AGMO: variants seen among roughly 807,000 people sequenced by gnomAD.
AGMO encodes the protein alkylglycerol monooxygenase, also known as glyceryl-ether monooxygenase.
A neutral mutation model predicts 60.2 loss-of-function variants in AGMO; 75 were observed. That is an observed-to-expected ratio of 1.25 (90% CI 1.03 to 1.51). The LOEUF (loss-of-function observed/expected upper bound fraction) is 1.51, where lower values mean the gene tolerates loss of function less well. AGMO is among the 40% of genes most tolerant of loss of function. The pLI, the probability that AGMO is intolerant of heterozygous loss-of-function variation, is 0.00. For missense variants in AGMO, 763 were observed against 525.5 expected, an observed-to-expected ratio of 1.45 and a Z score of -4.42; for synonymous variants, 261 against 177.1, an observed-to-expected ratio of 1.47 and a Z score of -3.76.
At chr7:15,468,735 G>T (rs1782361651) in intron 3 of AGMO, among the ~76,000 whole-genome samples, 1 of 152,152 alleles carries the variant, frequency 6.6e-6, no homozygotes, top group African/African-American at 2.4e-5. Context: ...CTTACAGGAA[G>T]TTTTATCTAC....
chr7:15,314,504 T>C (rs1218050376), intron 12 of AGMO, among the ~76,000 whole-genome samples: 1 of 152,182 alleles, frequency 6.6e-6, no homozygotes, highest in South Asian at 2.1e-4. Flanking sequence ...GTACTTTAAA[T>C]CACATTCTAG....
chr7:15,359,191 A>G (rs1293896140), intron 12 of AGMO, among the ~76,000 whole-genome samples: 3 of 151,252 alleles, frequency 2.0e-5, no homozygotes, highest in Non-Finnish European at 4.4e-5. Flanking sequence ...CGGGAGGCTG[A>G]GGCAGGAGAA....
intron 3 of AGMO, among the ~76,000 whole-genome samples, chr7:15,474,485 G>T (rs1782539075): frequency 1.3e-5 from 2 of 152,124 alleles, no homozygotes; most frequent in African/African-American, 4.8e-5. Context: ...GGAAAAACTG[G>T]ATAGCGATAT....
At chr7:15,401,548 CA>C (rs1230448900) in intron 5 of AGMO, among the ~76,000 whole-genome samples, 2 of 152,064 alleles carry the variant, frequency 1.3e-5, no homozygotes, top group Non-Finnish European at 2.9e-5. Flanking sequence ...GGGAATGTCA[CA>C]TAATATTTCT....
At chr7:15,367,245 G>T in intron 10 of AGMO, among the ~76,000 whole-genome samples, 1 of 145,032 alleles carries the variant, frequency 6.9e-6, no homozygotes, top group East Asian at 2.0e-4. Flanking sequence ...GGAAATAAAT[G>T]ATAATTTTTT....
At position 15,336,076 on chromosome 7, in the gene AGMO, G is replaced by A. The variant is rs544282052; in HGVS notation, c.1263+29438C>T. On this transcript the variant is annotated intron_variant, in intron 12 of 12. Coordinates refer to ENST00000342526, the MANE Select transcript of AGMO (RefSeq NM_001004320.2). ...AAAGCTAACAGGTTGTCCGCTATGT[G>A]AGGCTAATTCAACTACTACTATTCC... Among the ~76,000 whole-genome samples the A allele has an allele frequency of 4.2e-3, 633 of 152,252 alleles. 3 individuals are homozygous for A. The highest frequency in any genetic ancestry group is 5.1e-3 in the Non-Finnish European group (346 of 68,008).
chr7:15,181,591 A>G, the AGMO span, among the ~76,000 whole-genome samples: 4 of 152,182 alleles, frequency 2.6e-5, no homozygotes. Flanking sequence ...GGTTTTCAGA[A>G]AGGAGATAAG....
intron 12 of AGMO, among the ~76,000 whole-genome samples, chr7:15,327,922 T>G (rs918636665): frequency 6.6e-6 from 1 of 150,494 alleles, no homozygotes; most frequent in African/African-American, 2.5e-5. Context: ...TATGCCATGT[T>G]GCCGGGCTAA....
chr7:15,354,504 A>ACACATGTG (rs1451727408), intron 12 of AGMO, among the ~76,000 whole-genome samples: 1 of 35,586 alleles, frequency 2.8e-5, no homozygotes, highest in African/African-American at 2.2e-4. Flanking sequence ...GTGTATATAT[A>ACACATGTG]TATATATATA....
intron 12 of AGMO, among the ~76,000 whole-genome samples, chr7:15,334,506 A>G (rs1051872301): frequency 3.3e-5 from 5 of 152,108 alleles, no homozygotes; most frequent in African/African-American, 1.2e-4. Context: ...GCTTTTCCCT[A>G]GGGCAGTAGA....
At chr7:15,520,007 A>AAAAAAAG (rs1783936239) in intron 3 of AGMO, among the ~76,000 whole-genome samples, 1 of 151,740 alleles carries the variant, frequency 6.6e-6, no homozygotes, top group South Asian at 2.1e-4. Flanking sequence ...AAGAACCAAA[A>AAAAAAAG]AAAAAAGAAA....
intron 10 of AGMO, among the ~76,000 whole-genome samples, chr7:15,368,677 G>C (rs960787617): frequency 2.0e-5 from 3 of 152,050 alleles, no homozygotes; most frequent in African/African-American, 7.2e-5. Context: ...ACTATGTTCA[G>C]GAGCTTAGGC....
At chr7:15,260,451 A>G (rs1418906953) in intron 12 of AGMO, among the ~76,000 whole-genome samples, 1 of 152,096 alleles carries the variant, frequency 6.6e-6, no homozygotes, top group Non-Finnish European at 1.5e-5. Flanking sequence ...AAGGACTAGT[A>G]CAACAGGAAA....
Position 15,431,005 on chromosome 7 carries a change from C to T in AGMO, c.513G>A (p.Trp171Ter), listed in dbSNP as rs1236349351. 55 of 1,566,318 alleles carry T rather than the reference C, an allele frequency of 3.5e-5. No homozygotes were observed. Among genetic ancestry groups the T allele is most frequent in the Non-Finnish European group, 4.4e-5 (51 of 1,147,588 alleles). The part of the protein sequence containing the change: ...RQSVLQIYTS[W>*]IFYSPLALFI... ...GTTTATTCCATTTCATACAACTTAC[C>T]CAGGAAGTATATATCTGGAGGACAG... Residue 171 changes from tryptophan to a stop codon, truncating the protein, a stop_gained and splice_region_variant, in exon 4 of 13, where the codon TGG (tryptophan) becomes TGA (stop). Coordinates refer to ENST00000342526, the MANE Select transcript of AGMO (RefSeq NM_001004320.2). LOFTEE classifies it high-confidence loss of function.
chr7:15,497,054 G>A (rs2128523533), intron 3 of AGMO, among the ~76,000 whole-genome samples: 1 of 152,222 alleles, frequency 6.6e-6, no homozygotes, highest in African/African-American at 2.4e-5. Flanking sequence ...TCTTAGGTGT[G>A]CCATAGAAGA....
intron 10 of AGMO, among the ~76,000 whole-genome samples, chr7:15,384,278 T>C (rs1408358407): frequency 6.6e-6 from 1 of 152,188 alleles, no homozygotes; most frequent in African/African-American, 2.4e-5. Context: ...TAAGCTGCTA[T>C]GTAAGCCATT....
Position 15,250,393 on chromosome 7 carries a change from A to T in AGMO, c.1264-49034T>A, listed in dbSNP as rs544016971. Among the ~76,000 whole-genome samples, 3 of 152,322 alleles carry T rather than the reference A, an allele frequency of 2.0e-5. No individual in the cohort carries two copies. In the East Asian group the frequency reaches 5.8e-4, roughly 29 times the overall value. Reference sequence around the variant, plus strand: ...GTAAAGTAGCAAAACGTGTGTAATTACTAAGATGAATAATCTGTTTATTTT... The same window carrying T: ...GTAAAGTAGCAAAACGTGTGTAATTTCTAAGATGAATAATCTGTTTATTTT... On this transcript the variant is annotated intron_variant, in intron 12 of 12. Transcript: ENST00000342526.
At chr7:15,354,380 ACACGTGTGTGTATACACGTGTGTG>A (rs1782392724) in intron 12 of AGMO, among the ~76,000 whole-genome samples, 4 of 49,908 alleles carry the variant, frequency 8.0e-5, no homozygotes, top group African/African-American at 2.5e-4. Context: ...ACGTGTGTAT[ACACGTGTGTGTATACACGTGTGTG>A]TACACACGTG....
At chr7:15,363,623 T>A (rs746958380) in intron 12 of AGMO, among the ~76,000 whole-genome samples, 2 of 152,042 alleles carry the variant, frequency 1.3e-5, no homozygotes. Flanking sequence ...ACTAAATAAG[T>A]AAACTGCCAT....
Sources: allele counts gnomAD v4.1 joint callset (sites outside exome capture counted in the v4.1 genomes callset), GRCh38; gene constraint gnomAD v4.1.1; transcripts MANE v1.5; gene names NCBI Gene and HGNC (gene_info 2026-07-23, HGNC 2026-07-21).